NCAPG: variants seen among roughly 807,000 people sequenced by gnomAD.
The protein encoded by NCAPG is non-SMC condensin I complex subunit G, also known as condensin complex subunit 3.
A neutral mutation model predicts 113.1 loss-of-function variants in NCAPG; 69 were observed. The ratio of observed to expected loss-of-function variants is 0.61; its 90% CI spans 0.50 to 0.75. NCAPG has a LOEUF of 0.75. NCAPG is among the 30% of genes least tolerant of loss of function. The probability of loss-of-function intolerance (pLI) is 0.00; values close to 1 mark genes in which losing one functional copy is unlikely to be tolerated. For missense variants in NCAPG, 1,058 were observed against 1,177.0 expected (o/e 0.90, Z 1.48); for synonymous variants, 370 against 415.8 (o/e 0.89, Z 1.34).
chr4:17,827,954 C>A (rs551289981), intron 11 of NCAPG, among the ~76,000 whole-genome samples: 7 of 152,058 alleles, frequency 4.6e-5, no homozygotes, highest in African/African-American at 1.7e-4. Context: ...CACAGGTGTG[C>A]ACCACCACAC....
rs1243603313 is a variant in NCAPG at position 17,839,808 on chromosome 4, C to T, written c.2599C>T (p.Leu867Phe). The change falls in exon 17 of 21, where the codon CTT becomes TTT. Residue 867 changes from leucine to phenylalanine, a missense_variant. By Grantham distance (22) the Leu-to-Phe change is conservative (BLOSUM62 0). Transcript: ENST00000251496. ...ACTCAGTAGCCATCTTGCAAAAGAT[C>T]TTCTGGTTCTATTGAATGAGATTCT... Reference protein sequence around the residue: ...LELSSHLAKDLLVLLNEILEQ... With the variant: ...LELSSHLAKDFLVLLNEILEQ... 11 of 1,585,620 alleles carry T rather than the reference C, an allele frequency of 6.9e-6. No homozygotes were observed. The highest frequency in any genetic ancestry group is 2.7e-5 in the African/African-American group (2 of 72,938).
At position 17,839,705 on chromosome 4, in the gene NCAPG, G is replaced by GA. The variant is rs768035754; in HGVS notation, c.2500dup (p.Ile834AsnfsTer4). The GA allele has an allele frequency of 6.4e-7, 1 of 1,562,794 alleles. No homozygotes were observed. The highest frequency in any genetic ancestry group is 8.6e-7 in the Non-Finnish European group (1 of 1,164,808). The stretch of plus-strand genomic sequence containing the variant: ...TAACAGTACATGACAATTTGGCTAT[G>GA]AAAATTTGCAATGAGATCTTAACAA... On this transcript the variant is annotated frameshift_variant, in exon 17 of 21. Transcript: ENST00000251496. LOFTEE classifies it high-confidence loss of function.
chr4:17,812,791 G>T, intron 2 of NCAPG, 126 bp from the exon 3 acceptor site: 1 of 755,952 alleles, frequency 1.3e-6, no homozygotes, highest in Admixed American at 2.6e-5. Context: ...TAGCATTATA[G>T]GTTCTCTTCA....
intron 7 of NCAPG, among the ~76,000 whole-genome samples, chr4:17,821,125 A>C (rs1319632376): frequency 6.6e-6 from 1 of 152,170 alleles, no homozygotes; most frequent in African/African-American, 2.4e-5. Flanking sequence ...TTACTTAAAA[A>C]AAAAAACTCA....
intron 5 of NCAPG, among the ~76,000 whole-genome samples, chr4:17,816,169 A>T (rs905194030): frequency 1.3e-5 from 2 of 152,196 alleles, no homozygotes; most frequent in African/African-American, 4.8e-5. Flanking sequence ...GATGGTTTCC[A>T]GATGAAACTG....
chr4:17,830,882 C>A, intron 12 of NCAPG, 115 bp from the exon 13 acceptor site: 1 of 1,062,126 alleles, frequency 9.4e-7, no homozygotes, highest in Non-Finnish European at 1.4e-6. Context: ...TCTGTTTTAG[C>A]AATTTAATAC....
At chr4:17,818,626 A>T (rs1404348457) in intron 7 of NCAPG, among the ~76,000 whole-genome samples, 1 of 152,230 alleles carries the variant, frequency 6.6e-6, no homozygotes, top group African/African-American at 2.4e-5. Flanking sequence ...CTTAGCTTGC[A>T]AGCTATATAA....
intron 13 of NCAPG, 140 bp downstream of exon 13, chr4:17,831,256 A>G: frequency 2.0e-6 from 2 of 977,520 alleles, no homozygotes; most frequent in Non-Finnish European, 2.9e-6. Flanking sequence ...CAATACTTTT[A>G]TCTTTTGATT....
chr4:17,840,560 T>C, intron 18 of NCAPG, 47 bp from the exon 19 acceptor site: 1 of 1,111,320 alleles, frequency 9.0e-7, no homozygotes, highest in East Asian at 3.0e-5. Flanking sequence ...TTTAAAATAT[T>C]TCATGAGGTT....
chr4:17,817,448 T>C lies in NCAPG; in HGVS notation c.963T>C (p.Asp321=). ...SELVGLCKNN[D]GRKLIPVETL... is the part of the protein sequence containing the mutation. ...TGGTGGGACTCTGTAAAAACAATGA[T>C]GGCAGGTACATAAAGGATTCATTCT... The change falls in exon 6 of 21, where the codon GAT becomes GAC. Residue 321 remains aspartate, a synonymous_variant. Transcript: ENST00000251496. 1 of 1,613,084 alleles carries C rather than the reference T, an allele frequency of 6.2e-7. No homozygotes were observed. Among genetic ancestry groups the C allele is most frequent in the Non-Finnish European group, 8.5e-7 (1 of 1,179,326 alleles).
At chr4:17,814,773 A>G in intron 3 of NCAPG, 80 bp from the exon 4 acceptor site, 2 of 1,448,780 alleles carry the variant, frequency 1.4e-6, no homozygotes, top group Non-Finnish European at 1.9e-6. Flanking sequence ...GCATTTTAAA[A>G]TATCAAAATG....
At position 17,817,311 on chromosome 4, in the gene NCAPG, T is replaced by C; in HGVS notation, c.826T>C (p.Phe276Leu). Residue 276 changes from phenylalanine (F) to leucine (L), a missense_variant, in exon 6 of 21, where the codon TTC becomes CTC. Coordinates refer to ENST00000251496, the MANE Select transcript of NCAPG (RefSeq NM_022346.5). ...GCATCTTCTTCAAGGCTGGTTACGG[T>C]TCTCTGAAGGAAATATCTTAGAGTT... ...QKHLLQGWLR[F>L]SEGNILELLH... The C allele has an allele frequency of 1.2e-6, 2 of 1,614,160 alleles. No individual in the cohort carries two copies. Among genetic ancestry groups the C allele is most frequent in the Non-Finnish European group, 1.7e-6 (2 of 1,179,998 alleles).
At chr4:17,828,188 A>G in intron 11 of NCAPG, 90 bp from the exon 12 acceptor site, 1 of 735,248 alleles carries the variant, frequency 1.4e-6, no homozygotes, top group Non-Finnish European at 2.3e-6. Context: ...ATAGAGTGAC[A>G]GTATGCCCTA....
chr4:17,823,706 T>C lies in NCAPG; in HGVS notation c.1319T>C (p.Leu440Pro), dbSNP rs1391628028. The change falls in exon 9 of 21, where the codon CTG becomes CCG. Residue 440 changes from leucine (L) to proline (P), a missense_variant. By Grantham distance (98) the Leu-to-Pro change is moderately conservative. Transcript: ENST00000251496. Reference protein sequence around the residue: ...ILILPTIPISLVSFLVERLLH... With the variant: ...ILILPTIPISPVSFLVERLLH... ...ATTTTACCCACAATCCCAATATCCC[T>C]GGTTTCTTTTCTTGTTGAAAGACTA... 1.2e-6 allele frequency: 2 copies of C among 1,608,610 alleles called. No homozygotes were observed. Among genetic ancestry groups the C allele is most frequent in the Non-Finnish European group, 1.7e-6 (2 of 1,175,346 alleles).
At chr4:17,816,604 T>C (rs1426935095) in intron 5 of NCAPG, among the ~76,000 whole-genome samples, 1 of 152,212 alleles carries the variant, frequency 6.6e-6, no homozygotes, top group Non-Finnish European at 1.5e-5. Flanking sequence ...CGTGTGCTTG[T>C]ATAGTTCACT....
chr4:17,830,598 T>C (rs759409832), intron 12 of NCAPG, among the ~76,000 whole-genome samples: 8 of 148,512 alleles, frequency 5.4e-5, no homozygotes, highest in African/African-American at 7.6e-5. Flanking sequence ...CTAGAAAATT[T>C]AACATGACAT....
At chr4:17,821,740 C>T (rs1721464844) in intron 7 of NCAPG, among the ~76,000 whole-genome samples, 1 of 151,528 alleles carries the variant, frequency 6.6e-6, no homozygotes, top group Non-Finnish European at 1.5e-5. Context: ...GTTGGGATTA[C>T]AGGTGTGAGC....
intron 19 of NCAPG, 81 bp downstream of exon 19, chr4:17,840,774 CTTATCT>C (rs1459416084): frequency 1.1e-6 from 1 of 886,352 alleles, no homozygotes; most frequent in Non-Finnish European, 1.6e-6. Flanking sequence ...TGCAAGTTTT[CTTATCT>C]TTGTTTCCTT....
chr4:17,811,318 G>A lies in NCAPG; in HGVS notation c.111+130G>A. 1.9e-6 allele frequency: 1 copy of A among 527,566 alleles called. No homozygotes were observed. Among genetic ancestry groups the A allele is most frequent in the South Asian group, 2.8e-5 (1 of 35,290 alleles). The allele number at this position is 527,566 out of a possible 1,614,324, so 32.7% of individuals were successfully genotyped here. ...GTTCACCTTCGCGACTCACTTCATA[G>A]GGATCTGAGGTTCGGAGAAGTCAGG... On this transcript the variant is annotated intron_variant, in intron 1 of 20. Transcript: ENST00000251496. The surrounding 1 kb of genome is among the most constrained non-coding windows in gnomAD (Gnocchi z 5.3).
Sources: allele counts gnomAD v4.1 joint callset (sites outside exome capture counted in the v4.1 genomes callset), GRCh38; gene constraint gnomAD v4.1.1; non-coding constraint Gnocchi (gnomAD v3.1); transcripts MANE v1.5; gene names NCBI Gene and HGNC (gene_info 2026-07-23, HGNC 2026-07-21).